Variants in TRABD2B observed in about 807,000 individuals in gnomAD.
TRABD2B encodes TraB domain containing 2B, also known as metalloprotease TIKI2.
A neutral mutation model predicts 40.1 loss-of-function variants in TRABD2B; 14 were observed. That is an observed-to-expected ratio of 0.35 (90% CI 0.23 to 0.55). The LOEUF (loss-of-function observed/expected upper bound fraction) is 0.55. Ranked by LOEUF, TRABD2B falls within the 20% of genes least tolerant of loss-of-function variation. The pLI, the probability that TRABD2B is intolerant of heterozygous loss-of-function variation, is 0.90. For synonymous variants in TRABD2B, 263 were observed against 277.0 expected, an observed-to-expected ratio of 0.95 and a Z score of 0.50; for missense variants, 541 against 648.6, an observed-to-expected ratio of 0.83 and a Z score of 1.80.
intron 2 of TRABD2B, among the ~76,000 whole-genome samples, chr1:47,814,691 G>A (rs1306282264): frequency 6.6e-6 from 1 of 152,174 alleles, no homozygotes; most frequent in African/African-American, 2.4e-5. Flanking sequence ...GACAAATGCA[G>A]ATGAGACCCA....
intron 2 of TRABD2B, among the ~76,000 whole-genome samples, chr1:47,977,694 A>AC (rs1553171525): frequency 1.5e-4 from 23 of 151,554 alleles, no homozygotes; most frequent in South Asian, 6.3e-4. Context: ...AAAAAAAAAA[A>AC]ACACACAGGA....
At chr1:47,794,789 A>ATTTT in intron 3 of TRABD2B, 29 bp from the exon 4 acceptor site, 19 of 981,840 alleles carry the variant, frequency 1.9e-5, no homozygotes, top group Non-Finnish European at 2.6e-5. Context: ...GGCTGCCTTC[A>ATTTT]GTTTTTTTTT....
intron 2 of TRABD2B, among the ~76,000 whole-genome samples, chr1:47,957,243 C>CA (rs1488560166): frequency 6.6e-6 from 1 of 152,148 alleles, no homozygotes; most frequent in East Asian, 1.9e-4. Flanking sequence ...GATAAAATCA[C>CA]AAAGATGGGG....
chr1:47,769,847 C>T (rs1644355822), intron 6 of TRABD2B, among the ~76,000 whole-genome samples: 1 of 152,198 alleles, frequency 6.6e-6, no homozygotes, highest in Non-Finnish European at 1.5e-5. Flanking sequence ...CAAGTGCTAT[C>T]CTCTAGACCT....
At chr1:47,805,969 G>A (rs1487828125) in intron 2 of TRABD2B, among the ~76,000 whole-genome samples, 1 of 152,184 alleles carries the variant, frequency 6.6e-6, no homozygotes, top group Non-Finnish European at 1.5e-5. Flanking sequence ...CTCCCTGGAA[G>A]AGAGCCAAGA....
intron 2 of TRABD2B, among the ~76,000 whole-genome samples, chr1:47,836,663 T>C (rs1310100471): frequency 1.3e-5 from 2 of 152,240 alleles, no homozygotes; most frequent in Non-Finnish European, 2.9e-5. Context: ...CAAAGTTCAT[T>C]GTTGAAACCT....
At chr1:47,897,382 TAGA>T (rs1282744596) in intron 2 of TRABD2B, among the ~76,000 whole-genome samples, 1 of 151,984 alleles carries the variant, frequency 6.6e-6, no homozygotes, top group East Asian at 1.9e-4. Flanking sequence ...TAGGCGGCCA[TAGA>T]AGGAGTAACC....
chr1:47,767,041 A>G (rs1322742824), intron 6 of TRABD2B, among the ~76,000 whole-genome samples: 4 of 152,156 alleles, frequency 2.6e-5, no homozygotes, highest in Admixed American at 6.5e-5. Flanking sequence ...GGTCCAGGAA[A>G]GAGACATAGG....
At chr1:47,910,703 C>T (rs908729066) in intron 2 of TRABD2B, among the ~76,000 whole-genome samples, 12 of 152,218 alleles carry the variant, frequency 7.9e-5, no homozygotes, top group African/African-American at 1.9e-4. Flanking sequence ...ATTTCTCTCT[C>T]GGAGCCTGTG....
chr1:47,774,950 C>T (rs1644423523), intron 6 of TRABD2B, among the ~76,000 whole-genome samples: 1 of 152,264 alleles, frequency 6.6e-6, no homozygotes, highest in African/African-American at 2.4e-5. Flanking sequence ...TCTATTTCCT[C>T]ACCTTTAAGG....
At chr1:47,915,918 C>T (rs1410704888) in intron 2 of TRABD2B, among the ~76,000 whole-genome samples, 2 of 152,166 alleles carry the variant, frequency 1.3e-5, no homozygotes, top group Non-Finnish European at 2.9e-5. Flanking sequence ...GACAGGTCTC[C>T]GGGAGACACC....
At position 47,813,995 on chromosome 1, in the gene TRABD2B, G is replaced by A. The variant is rs1389778441; in HGVS notation, c.667-12376C>T. On this transcript the variant is annotated intron_variant, in intron 2 of 6. Transcript: ENST00000606738. The surrounding 1 kb of genome is among the most constrained non-coding windows in gnomAD (Gnocchi z 4.3). ...TCATTAAGGCTGGGGCTAAGGGATG[G>A]ACAAGGTGCTGTGAGAGTCCAGCAA... 6.6e-6 allele frequency among the ~76,000 whole-genome samples: 1 copy of A among 152,222 alleles called. No individual in the cohort carries two copies. The highest frequency in any genetic ancestry group is 2.4e-5 in the African/African-American group (1 of 41,464).
intron 2 of TRABD2B, among the ~76,000 whole-genome samples, chr1:47,846,370 T>A (rs1645469985): frequency 6.6e-6 from 1 of 152,202 alleles, no homozygotes; most frequent in Non-Finnish European, 1.5e-5. Flanking sequence ...CTAGACTTAC[T>A]CCTGGGCAGT....
chr1:47,841,769 C>CCTTTT lies in TRABD2B; in HGVS notation c.667-40155_667-40151dup, dbSNP rs564580355. Among the ~76,000 whole-genome samples the CCTTTT allele has an allele frequency of 5.4e-4, 82 of 150,598 alleles. No individual in the cohort carries two copies. In the South Asian group the frequency reaches 0.017, roughly 31 times the overall value. On this transcript the variant is annotated intron_variant, in intron 2 of 6. Transcript: ENST00000606738. ...TCTTGCAAGGATGACCCAACCTTCTCCTTTTCTTTTCTTTTTCTTTTTTTT... is the reference window on the plus strand; with the variant it reads ...TCTTGCAAGGATGACCCAACCTTCTCCTTTTCTTTTCTTTTCTTTTTCTTTTTTTT...
At chr1:47,888,385 C>T (rs1371829028) in intron 2 of TRABD2B, among the ~76,000 whole-genome samples, 2 of 152,158 alleles carry the variant, frequency 1.3e-5, no homozygotes, top group Admixed American at 6.5e-5. Flanking sequence ...TTCTCATCTG[C>T]AGGTGCAGTG....
chr1:47,810,464 C>T (rs1468342988), intron 2 of TRABD2B, among the ~76,000 whole-genome samples: 1 of 152,074 alleles, frequency 6.6e-6, no homozygotes, highest in African/African-American at 2.4e-5. Flanking sequence ...GAGGGAGCCA[C>T]GTGGGTATCT....
chr1:47,917,783 C>T (rs1644849346), intron 2 of TRABD2B, among the ~76,000 whole-genome samples: 1 of 152,092 alleles, frequency 6.6e-6, no homozygotes, highest in African/African-American at 2.4e-5. Flanking sequence ...GTTCTCACCT[C>T]CCTCTTGTCT....
intron 2 of TRABD2B, among the ~76,000 whole-genome samples, chr1:47,864,933 T>G (rs1205720719): frequency 1.3e-5 from 2 of 148,854 alleles, no homozygotes; most frequent in South Asian, 2.1e-4. Context: ...CCTGGATGAG[T>G]AGAGCCCCTG....
At chr1:47,848,030 C>T (rs1184932729) in intron 2 of TRABD2B, among the ~76,000 whole-genome samples, 1 of 152,198 alleles carries the variant, frequency 6.6e-6, no homozygotes, top group African/African-American at 2.4e-5. Flanking sequence ...TCTCTCCAGG[C>T]TAGGCTGCTC....
Sources: allele counts gnomAD v4.1 joint callset (sites outside exome capture counted in the v4.1 genomes callset), GRCh38; gene constraint gnomAD v4.1.1; non-coding constraint Gnocchi (gnomAD v3.1); transcripts MANE v1.5; gene names NCBI Gene and HGNC (gene_info 2026-07-23, HGNC 2026-07-21).